Variants in SPTLC3 observed in about 807,000 individuals in gnomAD.
SPTLC3 encodes the protein serine palmitoyltransferase 3.
In SPTLC3, 36 loss-of-function variants were observed where a neutral mutation model predicts 59.3. The observed-to-expected ratio is 0.61, with a 90% CI of 0.47 to 0.80. SPTLC3 has a LOEUF of 0.80. Ranked by LOEUF, SPTLC3 falls within the 30% of genes least tolerant of loss-of-function variation. The pLI is 0.00. For synonymous variants in SPTLC3, 257 were observed against 240.8 expected, an observed-to-expected ratio of 1.07 and a Z score of -0.62; for missense variants, 625 against 685.1, an observed-to-expected ratio of 0.91 and a Z score of 0.98.
chr20:13,126,747 T>C (rs756152223), intron 9 of SPTLC3, 30 bp downstream of exon 9: 3 of 1,611,698 alleles, frequency 1.9e-6, no homozygotes, highest in Admixed American at 3.3e-5. Context: ...GCACAGCTCC[T>C]GGACCTCTCT....
intron 1 of SPTLC3, among the ~76,000 whole-genome samples, chr20:13,012,617 T>C (rs1291751464): frequency 6.6e-6 from 1 of 152,184 alleles, no homozygotes; most frequent in Non-Finnish European, 1.5e-5. Flanking sequence ...ATATCAATAT[T>C]CTGCTATGTA....
chr20:13,085,098 A>T (rs935907029), intron 4 of SPTLC3, among the ~76,000 whole-genome samples: 16 of 152,234 alleles, frequency 1.1e-4, no homozygotes, highest in African/African-American at 3.9e-4. Flanking sequence ...TGGGCAGTTG[A>T]AAGTTACTTC....
chr20:13,079,154 C>A (rs975287852), intron 4 of SPTLC3, among the ~76,000 whole-genome samples: 4 of 152,084 alleles, frequency 2.6e-5, no homozygotes, highest in Non-Finnish European at 4.4e-5. Context: ...GATACCATAT[C>A]CTTGAAGGGG....
Position 13,049,086 on chromosome 20 carries a change from G to T in SPTLC3, c.259G>T (p.Gly87Ter). ...GYLRDFLRNWGIEKCNAAVER... is the reference protein window; with the variant it reads ...GYLRDFLRNW ...TCTCAGAGACTTTTTAAGAAACTGGGGAATAGAAAAATGCAACGCAGCTGT... is the reference window on the plus strand; with the variant it reads ...TCTCAGAGACTTTTTAAGAAACTGGTGAATAGAAAAATGCAACGCAGCTGT... Residue 87 changes from glycine to a stop codon, truncating the protein, a stop_gained, in exon 2 of 12, where the codon GGA becomes TGA. Transcript: ENST00000399002. LOFTEE classifies it high-confidence loss of function. The T allele has an allele frequency of 6.2e-7, 1 of 1,613,588 alleles. No individual in the cohort carries two copies. The highest frequency in any genetic ancestry group is 8.5e-7 in the Non-Finnish European group (1 of 1,179,770).
At chr20:13,070,778 A>G (rs570012992) in intron 2 of SPTLC3, among the ~76,000 whole-genome samples, 5 of 152,272 alleles carry the variant, frequency 3.3e-5, no homozygotes, top group Admixed American at 6.5e-5. Flanking sequence ...AAGCTATATG[A>G]GTCAGGATGT....
chr20:13,084,288 A>C (rs3906631), intron 4 of SPTLC3, among the ~76,000 whole-genome samples: 28,796 of 152,174 alleles, frequency 0.19, 2,892 homozygotes, highest in East Asian at 0.27. Flanking sequence ...ATACATTAAT[A>C]TTTCAATAAA....
chr20:13,109,072 T>C (rs1450964773), intron 6 of SPTLC3, among the ~76,000 whole-genome samples: 1 of 152,152 alleles, frequency 6.6e-6, no homozygotes, highest in African/African-American at 2.4e-5. Flanking sequence ...GCTTAAATGT[T>C]AAAAACAAAA....
chr20:13,011,044 C>T (rs1248008963), intron 1 of SPTLC3, among the ~76,000 whole-genome samples: 1 of 152,154 alleles, frequency 6.6e-6, no homozygotes, highest in Non-Finnish European at 1.5e-5. Context: ...TCCAGAGCCT[C>T]TTGTCTCAGA....
rs777954427 is a variant in SPTLC3 at position 13,029,916 on chromosome 20, C to G, written c.118-19029C>G. Reference sequence around the variant, plus strand: ...GTTTCTCTCTTTCTAGGTCAGAGAGCCTTCTGCTTCTACATGTGGCTGAAT... The same window carrying G: ...GTTTCTCTCTTTCTAGGTCAGAGAGGCTTCTGCTTCTACATGTGGCTGAAT... On this transcript the variant is annotated intron_variant, in intron 1 of 11. Transcript: ENST00000399002. 1.8e-4 allele frequency among the ~76,000 whole-genome samples: 28 copies of G among 152,272 alleles called. 1 individual carries two copies. Among genetic ancestry groups the G allele is most frequent in the Middle Eastern group, 6.8e-3 (2 of 294 alleles).
intron 1 of SPTLC3, among the ~76,000 whole-genome samples, chr20:13,021,663 C>A (rs1985893376): frequency 6.6e-6 from 1 of 151,054 alleles, no homozygotes; most frequent in Admixed American, 6.6e-5. Context: ...TTGTGTGGTC[C>A]AACTCTAACC....
intron 9 of SPTLC3, among the ~76,000 whole-genome samples, chr20:13,130,949 T>A (rs368321804): frequency 6.6e-6 from 1 of 152,220 alleles, no homozygotes; most frequent in Non-Finnish European, 1.5e-5. Context: ...CATGAGGATG[T>A]TTATCTCATA....
At chr20:13,084,738 G>T (rs1051541932) in intron 4 of SPTLC3, among the ~76,000 whole-genome samples, 4 of 152,068 alleles carry the variant, frequency 2.6e-5, no homozygotes, top group African/African-American at 4.8e-5. Flanking sequence ...GGATACAGTT[G>T]CTTACTTTAT....
intron 8 of SPTLC3, among the ~76,000 whole-genome samples, chr20:13,121,543 C>T (rs2037866789): frequency 6.6e-6 from 1 of 152,194 alleles, no homozygotes; most frequent in Non-Finnish European, 1.5e-5. Context: ...GGGTTTTGAA[C>T]TTCCAAATGG....
intron 2 of SPTLC3, among the ~76,000 whole-genome samples, chr20:13,070,355 G>A (rs1988390949): frequency 6.6e-6 from 1 of 152,084 alleles, no homozygotes; most frequent in African/African-American, 2.4e-5. Context: ...TGTCACCAAG[G>A]ACCAAAGGAT....
At chr20:13,074,576 A>ATTTGGACTG in intron 4 of SPTLC3, 79 bp downstream of exon 4, 1 of 1,438,090 alleles carries the variant, frequency 7.0e-7, no homozygotes, top group Non-Finnish European at 9.3e-7. Flanking sequence ...TCTAGATCAT[A>ATTTGGACTG]TTTGGACTGT....
At chr20:13,063,281 T>C (rs1402281244) in intron 2 of SPTLC3, among the ~76,000 whole-genome samples, 2 of 152,206 alleles carry the variant, frequency 1.3e-5, no homozygotes, top group Admixed American at 6.5e-5. Context: ...TTTTTGAAAA[T>C]TGATTTAGAG....
At chr20:13,133,225 C>T (rs2038166070) in intron 9 of SPTLC3, among the ~76,000 whole-genome samples, 1 of 152,182 alleles carries the variant, frequency 6.6e-6, no homozygotes, top group South Asian at 2.1e-4. Flanking sequence ...TGCACAAGTA[C>T]CCTCACCTGT....
At chr20:13,072,189 G>T in intron 2 of SPTLC3, 67 bp from the exon 3 acceptor site, 13 of 1,511,326 alleles carry the variant, frequency 8.6e-6, no homozygotes, top group Non-Finnish European at 1.2e-5. Context: ...CTTCTTCCCT[G>T]CTTCAATTGT....
intron 1 of SPTLC3, among the ~76,000 whole-genome samples, chr20:13,033,795 T>C (rs1986608214): frequency 6.6e-6 from 1 of 152,196 alleles, no homozygotes; most frequent in Non-Finnish European, 1.5e-5. Context: ...AAAATATTAT[T>C]GTTATACAAG....
Sources: allele counts gnomAD v4.1 joint callset (sites outside exome capture counted in the v4.1 genomes callset), GRCh38; gene constraint gnomAD v4.1.1; transcripts MANE v1.5; gene names NCBI Gene and HGNC (gene_info 2026-07-23, HGNC 2026-07-21).